Variants in DLGAP2 observed in about 807,000 individuals in gnomAD.
DLGAP2 encodes the protein disks large-associated protein 2.
DLGAP2 carries 26 observed loss-of-function variants against 100.3 expected under a neutral mutation model. The observed-to-expected ratio is 0.26, with a 90% CI of 0.19 to 0.36. The LOEUF (loss-of-function observed/expected upper bound fraction) is 0.36, where lower values mean the gene tolerates loss of function less well. Ranked by LOEUF, DLGAP2 falls within the 10% of genes least tolerant of loss-of-function variation. The pLI is 1.00. For missense variants in DLGAP2, 1,858 were observed against 1,453.2 expected (o/e 1.28, Z -4.53); for synonymous variants, 886 against 630.1 (o/e 1.41, Z -6.08).
intron 3 of DLGAP2, among the ~76,000 whole-genome samples, chr8:1,330,619 C>G (rs1585266314): frequency 7.4e-6 from 1 of 134,652 alleles, no homozygotes; most frequent in African/African-American, 2.8e-5. Flanking sequence ...TGGGTGGGAG[C>G]ACCGCTTCAC....
At chr8:821,052 A>G (rs938158702) in intron 1 of DLGAP2, among the ~76,000 whole-genome samples, 1 of 152,206 alleles carries the variant, frequency 6.6e-6, no homozygotes, top group Non-Finnish European at 1.5e-5. Flanking sequence ...CAGGAAACCA[A>G]CGGTTGATTT....
chr8:1,214,529 C>T (rs765980680), intron 2 of DLGAP2, among the ~76,000 whole-genome samples: 20 of 152,228 alleles, frequency 1.3e-4, no homozygotes, highest in Non-Finnish European at 2.1e-4. Context: ...AATACCCTAA[C>T]CCGGAAGTCA....
intron 6 of DLGAP2, among the ~76,000 whole-genome samples, chr8:1,579,715 T>G (rs1013991785): frequency 1.3e-5 from 2 of 152,216 alleles, no homozygotes; most frequent in Admixed American, 1.3e-4. Context: ...TCTAAAAGTT[T>G]ATTCTAGAGA....
rs949841019 is a variant in DLGAP2, at chr8:1,704,753, A to C, written c.*3347A>C. On this transcript the variant is annotated 3_prime_UTR_variant, in exon 15 of 15. Coordinates refer to ENST00000637795, the MANE Select transcript of DLGAP2 (RefSeq NM_001346810.2). ...GTCAGATAAAAATATAATTACCTGTAAGGTTATCTGGTTTTAAAAGAAAAA... is the reference window on the plus strand; with the variant it reads ...GTCAGATAAAAATATAATTACCTGTCAGGTTATCTGGTTTTAAAAGAAAAA... 9 of 151,674 alleles carry C rather than the reference A, an allele frequency of 5.9e-5. No individual in the cohort carries two copies. The highest frequency in any genetic ancestry group is 1.7e-4 in the African/African-American group (7 of 41,020). 9.4% of individuals were successfully genotyped at this position (151,674 alleles called of 1,614,324 possible). A position where few individuals can be genotyped will look rare whatever the true frequency, so the allele number is the denominator to read the frequency against.
chr8:1,559,352 G>A (rs762536117), intron 5 of DLGAP2, among the ~76,000 whole-genome samples: 39 of 152,308 alleles, frequency 2.6e-4, no homozygotes, highest in South Asian at 6.2e-4. Context: ...TGCAGGGTTC[G>A]AATGCTGTAA....
chr8:942,219 G>A (rs1799213961), intron 2 of DLGAP2, among the ~76,000 whole-genome samples: 2 of 152,342 alleles, frequency 1.3e-5, no homozygotes, highest in African/African-American at 4.8e-5. Context: ...AAAGTGCTGG[G>A]ATTACAGGCA....
chr8:1,540,860 C>T (rs1801339227), intron 4 of DLGAP2, among the ~76,000 whole-genome samples: 1 of 152,242 alleles, frequency 6.6e-6, no homozygotes, highest in Non-Finnish European at 1.5e-5. Flanking sequence ...ATCCAGGTCT[C>T]ATCTATTTGG....
intron 4 of DLGAP2, among the ~76,000 whole-genome samples, chr8:1,503,256 T>C (rs1168575053): frequency 6.6e-6 from 1 of 152,288 alleles, no homozygotes; most frequent in South Asian, 2.1e-4. Context: ...CTTCTGCAAG[T>C]AAAACTCTGT....
At chr8:785,955 C>G (rs1333771582) in intron 1 of DLGAP2, among the ~76,000 whole-genome samples, 1 of 152,214 alleles carries the variant, frequency 6.6e-6, no homozygotes, top group South Asian at 2.1e-4. Context: ...GGAACGGGAG[C>G]ACCAGGCGAT....
At chr8:1,213,187 G>A (rs115989467) in intron 2 of DLGAP2, among the ~76,000 whole-genome samples, 11 of 152,084 alleles carry the variant, frequency 7.2e-5, no homozygotes, top group African/African-American at 2.7e-4. Context: ...GTTATTAGCT[G>A]TTTTGCGGGT....
At chr8:1,106,911 C>G (rs1208739107) in intron 2 of DLGAP2, among the ~76,000 whole-genome samples, 4 of 152,292 alleles carry the variant, frequency 2.6e-5, no homozygotes, top group Non-Finnish European at 5.9e-5. Context: ...GGATAAGACT[C>G]TAAGGGTTCT....
intron 2 of DLGAP2, among the ~76,000 whole-genome samples, chr8:1,049,754 C>G (rs772979324): frequency 6.6e-6 from 1 of 152,046 alleles, no homozygotes; most frequent in Non-Finnish European, 1.5e-5. Flanking sequence ...CAGAGACACA[C>G]AGACGGTGCA....
intron 2 of DLGAP2, among the ~76,000 whole-genome samples, chr8:1,084,649 T>C (rs1265429424): frequency 6.6e-6 from 1 of 152,234 alleles, no homozygotes; most frequent in Non-Finnish European, 1.5e-5. Flanking sequence ...GTGCCTGGCT[T>C]CTTTCAGTTA....
chr8:1,600,123 A>T (rs1329672621), intron 6 of DLGAP2, among the ~76,000 whole-genome samples: 1 of 152,098 alleles, frequency 6.6e-6, no homozygotes, highest in African/African-American at 2.4e-5. Context: ...TTTCTCCTTC[A>T]CTTATGAAGC....
chr8:1,062,220 T>G (rs1232735203), intron 2 of DLGAP2, among the ~76,000 whole-genome samples: 1 of 152,114 alleles, frequency 6.6e-6, no homozygotes, highest in Non-Finnish European at 1.5e-5. Flanking sequence ...CGACTCCAGA[T>G]CCATGTTTTC....
intron 3 of DLGAP2, among the ~76,000 whole-genome samples, chr8:1,427,595 A>T (rs1161129957): frequency 6.6e-6 from 1 of 152,204 alleles, no homozygotes; most frequent in Non-Finnish European, 1.5e-5. Context: ...TGGAAAGAGC[A>T]TGTTGGGAGG....
At chr8:1,212,510 G>A (rs546901867) in intron 2 of DLGAP2, among the ~76,000 whole-genome samples, 14 of 152,180 alleles carry the variant, frequency 9.2e-5, no homozygotes, top group Non-Finnish European at 1.6e-4. Context: ...TCCATAAAGA[G>A]ATGAGATAGA....
chr8:1,673,864 G>A (rs1345357366), intron 10 of DLGAP2, among the ~76,000 whole-genome samples: 1 of 151,892 alleles, frequency 6.6e-6, no homozygotes, highest in Non-Finnish European at 1.5e-5. Context: ...GAAATTTGGA[G>A]ACAGAGGAAG....
intron 2 of DLGAP2, among the ~76,000 whole-genome samples, chr8:1,030,474 A>G (rs1801942241): frequency 6.6e-6 from 1 of 152,212 alleles, no homozygotes; most frequent in Non-Finnish European, 1.5e-5. Flanking sequence ...TGTGGGGTGC[A>G]AAGGTGCTCA....
Sources: allele counts gnomAD v4.1 joint callset (sites outside exome capture counted in the v4.1 genomes callset), GRCh38; gene constraint gnomAD v4.1.1; transcripts MANE v1.5; gene names NCBI Gene and HGNC (gene_info 2026-07-23, HGNC 2026-07-21).